The following ADAMTS16 variants were observed in gnomAD, a reference collection of about 807,000 sequenced individuals.
ADAMTS16 encodes the protein A disintegrin and metalloproteinase with thrombospondin motifs 16.
In ADAMTS16, 94 loss-of-function variants were observed where a neutral mutation model predicts 145.8. The observed-to-expected ratio is 0.64, with a 90% confidence interval of 0.55 to 0.77. The LOEUF is 0.77. Among genes scored for constraint, ADAMTS16 ranks in the 30% least tolerant of loss-of-function variants. The pLI, the probability that ADAMTS16 is intolerant of heterozygous loss-of-function variation, is 0.00. For missense variants in ADAMTS16, 1,585 were observed against 1,591.5 expected, an observed-to-expected ratio of 1.00 and a Z score of 0.07; for synonymous variants, 659 against 604.3, an observed-to-expected ratio of 1.09 and a Z score of -1.33.
At chr5:5,272,891 G>C (rs1265189692) in intron 18 of ADAMTS16, among the ~76,000 whole-genome samples, 2 of 152,210 alleles carry the variant, frequency 1.3e-5, no homozygotes, top group Non-Finnish European at 2.9e-5. Context: ...GAGCCTCCAA[G>C]GTCCGCAGGC....
At chr5:5,185,862 G>A (rs977949872) in intron 4 of ADAMTS16, among the ~76,000 whole-genome samples, 190 bp from the exon 5 acceptor site, 1 of 152,168 alleles carries the variant, frequency 6.6e-6, no homozygotes, top group Non-Finnish European at 1.5e-5. Context: ...ATGATGCCTA[G>A]ACTACATGAA....
intron 18 of ADAMTS16, among the ~76,000 whole-genome samples, chr5:5,270,212 A>T (rs1207402930): frequency 1.3e-5 from 2 of 152,102 alleles, no homozygotes; most frequent in African/African-American, 4.8e-5. Context: ...GAGCTTAGTA[A>T]ATTTCTGTCT....
Position 5,183,631 on chromosome 5 carries a change from G to A in ADAMTS16, c.763+1326G>A, listed in dbSNP as rs111520317. On this transcript the variant is annotated intron_variant, in intron 4 of 22. Coordinates refer to ENST00000274181, the MANE Select transcript of ADAMTS16 (RefSeq NM_139056.4). Reference sequence around the variant, plus strand: ...TCAAGCAATGCAGACCACTGTGAGAGGACTGCGATCCTTTCGTTCCTCTCT... The same window carrying A: ...TCAAGCAATGCAGACCACTGTGAGAAGACTGCGATCCTTTCGTTCCTCTCT... Among the ~76,000 whole-genome samples, 499 of 152,350 alleles carry A rather than the reference G, an allele frequency of 3.3e-3. 1 individual carries two copies. The highest frequency in any genetic ancestry group is 0.011 in the African/African-American group (470 of 41,586).
At chr5:5,252,326 G>C (rs1055327600) in intron 17 of ADAMTS16, among the ~76,000 whole-genome samples, 3 of 144,744 alleles carry the variant, frequency 2.1e-5, no homozygotes, top group Non-Finnish European at 3.0e-5. Flanking sequence ...GCATTCAGAA[G>C]TCACAATGAG....
intron 18 of ADAMTS16, among the ~76,000 whole-genome samples, chr5:5,270,734 T>A (rs533590677): frequency 6.6e-6 from 1 of 152,312 alleles, no homozygotes; most frequent in East Asian, 1.9e-4. Flanking sequence ...CAAAATATAT[T>A]TCTATTATGT....
intron 9 of ADAMTS16, among the ~76,000 whole-genome samples, chr5:5,207,720 T>A (rs1230641736): frequency 2.0e-5 from 3 of 152,056 alleles, no homozygotes; most frequent in African/African-American, 7.2e-5. Context: ...GATTTTTTTT[T>A]TTTTATCATG....
intron 11 of ADAMTS16, among the ~76,000 whole-genome samples, chr5:5,228,695 T>C (rs958866802): frequency 2.0e-5 from 3 of 152,212 alleles, no homozygotes; most frequent in African/African-American, 4.8e-5. Context: ...TAGAGGTTCC[T>C]CTTCAAAGAG....
At chr5:5,231,147 C>T (rs1736909921) in intron 11 of ADAMTS16, among the ~76,000 whole-genome samples, 1 of 152,116 alleles carries the variant, frequency 6.6e-6, no homozygotes, top group Non-Finnish European at 1.5e-5. Flanking sequence ...ATGGGCTTCT[C>T]CTTGAGCCTG....
chr5:5,150,708 T>C (rs1325554440), intron 3 of ADAMTS16, among the ~76,000 whole-genome samples: 2 of 152,256 alleles, frequency 1.3e-5, no homozygotes, highest in Non-Finnish European at 2.9e-5. Context: ...GCAGTCATTC[T>C]TGAGAACGGC....
intron 10 of ADAMTS16, among the ~76,000 whole-genome samples, chr5:5,210,139 A>G (rs780404068): frequency 1.3e-5 from 2 of 152,338 alleles, no homozygotes; most frequent in East Asian, 1.9e-4. Context: ...GCAGCAGCAG[A>G]CATTCTCAAT....
intron 10 of ADAMTS16, among the ~76,000 whole-genome samples, chr5:5,211,777 T>C (rs1348601339): frequency 6.6e-6 from 1 of 152,212 alleles, no homozygotes; most frequent in Non-Finnish European, 1.5e-5. Context: ...AAATATTTTC[T>C]AATTTAACTG....
In ADAMTS16 at chr5:5,201,179, G is replaced by C. The variant is rs1735944506; in HGVS notation, c.1451+910G>C. 2.0e-5 allele frequency among the ~76,000 whole-genome samples: 3 copies of C among 152,230 alleles called. No homozygotes were observed. The South Asian group carries it at 6.2e-4, about 32-fold the overall frequency. ...TGCAGCCATCCGGGGACTGAGGACA[G>C]AGAGAGCACAGGAGGGTGTGCGGGA... On this transcript the variant is annotated intron_variant, in intron 9 of 22. Transcript: ENST00000274181.
rs1410250430 is a variant in ADAMTS16, at chr5:5,318,134, T to C, written c.3412T>C (p.Cys1138Arg). 2 of 1,463,300 alleles carry C rather than the reference T, an allele frequency of 1.4e-6. No homozygotes were observed. Among genetic ancestry groups the C allele is most frequent in the Non-Finnish European group, 1.8e-6 (2 of 1,100,074 alleles). 90.6% of individuals were successfully genotyped at this position (1,463,300 alleles called of 1,614,324 possible). A position where few individuals can be genotyped will look rare whatever the true frequency, so the allele number is the denominator to read the frequency against. Residue 1138 changes from cysteine (C) to arginine (R), a missense_variant and splice_region_variant, in exon 22 of 23, where the codon TGC becomes CGC. Cys to Arg is a radical substitution (Grantham distance 180). Transcript: ENST00000274181. ...GSWFASPWSQ[C>R]TASCGGGVQT... is the part of the protein sequence containing the mutation. Reference sequence around the variant, plus strand: ...TGACATGTGTGTGTTGCTCTCACAGTGCACGGCCAGCTGTGGGGGAGGCGT... The same window carrying C: ...TGACATGTGTGTGTTGCTCTCACAGCGCACGGCCAGCTGTGGGGGAGGCGT...
chr5:5,268,997 G>T (rs1738363922), intron 18 of ADAMTS16, among the ~76,000 whole-genome samples: 1 of 152,136 alleles, frequency 6.6e-6, no homozygotes, highest in Non-Finnish European at 1.5e-5. Flanking sequence ...CATGCCTGCT[G>T]GGTCTAGTTG....
chr5:5,180,801 A>T (rs1012966063), intron 3 of ADAMTS16, among the ~76,000 whole-genome samples: 16 of 152,194 alleles, frequency 1.1e-4, no homozygotes, highest in African/African-American at 3.4e-4. Context: ...CCTTGAAAAC[A>T]TTACTGAATC....
intron 8 of ADAMTS16, among the ~76,000 whole-genome samples, chr5:5,194,105 A>T (rs549462461): frequency 2.4e-3 from 366 of 152,184 alleles, no homozygotes; most frequent in South Asian, 6.4e-3. Context: ...CTGTATAAAA[A>T]AAAAATAAAA....
intron 9 of ADAMTS16, among the ~76,000 whole-genome samples, chr5:5,203,949 G>C (rs1003854474): frequency 2.6e-5 from 4 of 152,122 alleles, no homozygotes; most frequent in African/African-American, 9.7e-5. Flanking sequence ...GTGTGTTTTT[G>C]TGCATAATGG....
chr5:5,186,280 C>T (rs929397139), intron 5 of ADAMTS16, 29 bp downstream of exon 5: 1 of 1,594,566 alleles, frequency 6.3e-7, no homozygotes, highest in South Asian at 1.1e-5. Flanking sequence ...TTGAGGCCAC[C>T]TGTGTCATTG....
At chr5:5,265,032 G>A (rs2126438090) in intron 18 of ADAMTS16, among the ~76,000 whole-genome samples, 1 of 152,292 alleles carries the variant, frequency 6.6e-6, no homozygotes, top group South Asian at 2.1e-4. Flanking sequence ...CCACTCATCA[G>A]GGGCTCCCTC....
Sources: allele counts gnomAD v4.1 joint callset (sites outside exome capture counted in the v4.1 genomes callset), GRCh38; gene constraint gnomAD v4.1.1; transcripts MANE v1.5; gene names NCBI Gene and HGNC (gene_info 2026-07-23, HGNC 2026-07-21).